The following CRIM1 variants were observed in gnomAD, a reference collection of about 807,000 sequenced individuals.
CRIM1 encodes cysteine-rich motor neuron 1 protein.
Under a neutral mutation model 116.4 loss-of-function variants are expected in CRIM1, and 32 were observed. The ratio of observed to expected loss-of-function variants is 0.27; its 90% CI spans 0.21 to 0.37. CRIM1 has a LOEUF of 0.37. CRIM1 is among the 10% of genes least tolerant of loss of function. CRIM1 has a pLI of 1.00. For missense variants in CRIM1, 1,331 were observed against 1,354.8 expected (o/e 0.98, Z 0.28); for synonymous variants, 590 against 509.2 (o/e 1.16, Z -2.13).
chr2:36,532,164 G>A (rs564466887), intron 13 of CRIM1: 54 of 355,582 alleles, frequency 1.5e-4, no homozygotes, highest in South Asian at 1.1e-3. Flanking sequence ...TTCAAAATTG[G>A]CCCTGGACGC....
At position 36,412,184 on chromosome 2, in the gene CRIM1, G is replaced by A. The variant is rs1673261924; in HGVS notation, c.505+15397G>A. 2.7e-5 allele frequency among the ~76,000 whole-genome samples: 4 copies of A among 150,516 alleles called. No individual in the cohort carries two copies. In the South Asian group the frequency reaches 8.3e-4, roughly 31 times the overall value. On this transcript the variant is annotated intron_variant, in intron 2 of 16. Transcript: ENST00000280527. Reference sequence around the variant, plus strand: ...CTAGTAACTGTGATGACGCCCAACAGAATTATTTGAAACATTCTCAGTAAA... The same window carrying A: ...CTAGTAACTGTGATGACGCCCAACAAAATTATTTGAAACATTCTCAGTAAA...
At position 36,464,589 on chromosome 2, in the gene CRIM1, C is replaced by G. The variant is rs142032514; in HGVS notation, c.925C>G (p.Pro309Ala). 22 of 1,613,944 alleles carry G rather than the reference C, an allele frequency of 1.4e-5. No individual in the cohort carries two copies. The highest frequency in any genetic ancestry group is 1.9e-5 in the Non-Finnish European group (22 of 1,179,990). Residue 309 changes from proline (P) to alanine (A), a missense_variant, in exon 5 of 17, where the codon CCC becomes GCC. Physicochemically the swap from Pro to Ala is conservative, Grantham distance 27. This residue lies in a region of CRIM1 where 690 missense variants were observed against 676.0 expected (regional missense o/e 1.02). Coordinates refer to ENST00000280527, the MANE Select transcript of CRIM1 (RefSeq NM_016441.3). ...CCCCGTGTGTGAGGTGGGATCCACT[C>G]CCCGCATAGTCTCTCGTGGCGATGG... Reference protein sequence around the residue: ...GFPVCEVGSTPRIVSRGDGTP... With the variant: ...GFPVCEVGSTARIVSRGDGTP...
intron 4 of CRIM1, among the ~76,000 whole-genome samples, chr2:36,456,967 TACAACTTCTGTTC>T (rs1405365897): frequency 6.6e-6 from 1 of 152,066 alleles, no homozygotes; most frequent in Non-Finnish European, 1.5e-5. Flanking sequence ...CACGTAGACT[TACAACTTCTGTTC>T]TCCTGCAGCT....
At chr2:36,457,559 T>G (rs539010803) in intron 4 of CRIM1, among the ~76,000 whole-genome samples, 1 of 152,176 alleles carries the variant, frequency 6.6e-6, no homozygotes, top group African/African-American at 2.4e-5. Flanking sequence ...CACGCAGGAA[T>G]AAGCTTGAGA....
intron 1 of CRIM1, among the ~76,000 whole-genome samples, chr2:36,379,420 C>T (rs1670559720): frequency 1.3e-5 from 2 of 152,220 alleles, no homozygotes; most frequent in South Asian, 2.1e-4. Flanking sequence ...GATTTATGAG[C>T]CATCTGATTT....
intron 5 of CRIM1, among the ~76,000 whole-genome samples, chr2:36,465,890 T>C (rs75106541): frequency 8.1e-6 from 1 of 123,066 alleles, no homozygotes; most frequent in Non-Finnish European, 1.6e-5. Flanking sequence ...TTTAGTATTC[T>C]TTTTTTTTTT....
intron 1 of CRIM1, among the ~76,000 whole-genome samples, chr2:36,360,482 C>A (rs1370406579): frequency 6.6e-6 from 1 of 152,190 alleles, no homozygotes; most frequent in Non-Finnish European, 1.5e-5. Context: ...TTTATTTCCC[C>A]CAGGAATTTT....
intron 12 of CRIM1, 23 bp downstream of exon 12, chr2:36,517,565 G>T: frequency 6.3e-7 from 1 of 1,596,300 alleles, no homozygotes; most frequent in South Asian, 1.1e-5. Context: ...ATGCCTTGTG[G>T]GTGCTTGGTG....
intron 1 of CRIM1, among the ~76,000 whole-genome samples, chr2:36,360,963 C>T (rs3770963): frequency 0.72 from 108,783 of 151,926 alleles, 39,192 homozygotes; most frequent in East Asian, 0.92. Flanking sequence ...AAGCAGAGGG[C>T]CTATAACATT....
At chr2:36,433,619 C>T (rs1675069256) in intron 2 of CRIM1, among the ~76,000 whole-genome samples, 1 of 152,188 alleles carries the variant, frequency 6.6e-6, no homozygotes, top group Non-Finnish European at 1.5e-5. Context: ...TACTAATGCC[C>T]AGGCTCCTCC....
intron 2 of CRIM1, among the ~76,000 whole-genome samples, chr2:36,421,718 A>G (rs1357527420): frequency 6.6e-5 from 10 of 152,236 alleles, no homozygotes; most frequent in South Asian, 2.1e-4. Flanking sequence ...TTTCACAGCC[A>G]TTACCTTGGA....
chr2:36,533,639 C>CAT (rs1666270922), intron 13 of CRIM1, among the ~76,000 whole-genome samples: 1 of 152,098 alleles, frequency 6.6e-6, no homozygotes, highest in African/African-American at 2.4e-5. Context: ...GCCTCCAAGG[C>CAT]ATTCAGAGTG....
At chr2:36,445,456 C>T (rs1201591778) in intron 4 of CRIM1, among the ~76,000 whole-genome samples, 2 of 152,210 alleles carry the variant, frequency 1.3e-5, no homozygotes, top group African/African-American at 4.8e-5. Context: ...ACAGGTCCCA[C>T]TGCCTAGAAA....
intron 1 of CRIM1, among the ~76,000 whole-genome samples, chr2:36,373,296 T>A (rs553798628): frequency 6.6e-6 from 1 of 151,970 alleles, no homozygotes; most frequent in African/African-American, 2.4e-5. Context: ...AAGGAGGGAG[T>A]GCCCATCAGC....
At chr2:36,520,532 TG>T (rs2125127585) in intron 12 of CRIM1, among the ~76,000 whole-genome samples, 1 of 152,336 alleles carries the variant, frequency 6.6e-6, no homozygotes, top group South Asian at 2.1e-4. Flanking sequence ...CCTATGTGGG[TG>T]GGATCTGTGG....
At chr2:36,426,549 CAAGTAGAACTAGGAATTAG>C (rs1449628869) in intron 2 of CRIM1, among the ~76,000 whole-genome samples, 1 of 151,964 alleles carries the variant, frequency 6.6e-6, no homozygotes, top group Non-Finnish European at 1.5e-5. Context: ...CTGGTATGTC[CAAGTAGAACTAGGAATTAG>C]AGCAATAGTC....
chr2:36,470,629 G>A lies in CRIM1; in HGVS notation c.991+5974G>A, dbSNP rs529529269. Among the ~76,000 whole-genome samples the A allele has an allele frequency of 2.7e-4, 41 of 152,284 alleles. 1 individual carries two copies. The highest frequency in any genetic ancestry group is 1.2e-3 in the Admixed American group (19 of 15,298). ...TTGAGACCTACTACTCAGAAAAAGAGATTTCTTCCAAAATATTACTGCTCA... is the reference window on the plus strand; with the variant it reads ...TTGAGACCTACTACTCAGAAAAAGAAATTTCTTCCAAAATATTACTGCTCA... On this transcript the variant is annotated intron_variant, in intron 5 of 16. Transcript: ENST00000280527.
At chr2:36,369,722 A>G (rs1460637227) in intron 1 of CRIM1, among the ~76,000 whole-genome samples, 1 of 152,192 alleles carries the variant, frequency 6.6e-6, no homozygotes, top group Non-Finnish European at 1.5e-5. Flanking sequence ...GGATCTGTAC[A>G]AGATTGTGGT....
intron 1 of CRIM1, among the ~76,000 whole-genome samples, chr2:36,363,178 C>T (rs13391488): frequency 4.9e-5 from 7 of 141,942 alleles, no homozygotes; most frequent in African/African-American, 1.3e-4. Context: ...CCAGCCTGGG[C>T]GACAAAGCAA....
Sources: allele counts gnomAD v4.1 joint callset (sites outside exome capture counted in the v4.1 genomes callset), GRCh38; gene constraint gnomAD v4.1.1; regional missense constraint gnomAD v4.1.1; transcripts MANE v1.5; gene names NCBI Gene and HGNC (gene_info 2026-07-23, HGNC 2026-07-21).